SLC35D4: variants seen among roughly 807,000 people sequenced by gnomAD.
The protein encoded by SLC35D4 is solute carrier family 35 member D4.
At chr18:23,247,946 C>T in the SLC35D4 span, among the ~76,000 whole-genome samples, 1 of 152,232 alleles carries the variant, frequency 6.6e-6, no homozygotes, top group East Asian at 1.9e-4. Flanking sequence ...CCCTCCCTGC[C>T]CACTCCCTGC....
the SLC35D4 span, among the ~76,000 whole-genome samples, chr18:23,333,694 C>G: frequency 3.2e-4 from 49 of 152,224 alleles, no homozygotes; most frequent in African/African-American, 1.2e-3. Context: ...GATAACAAAC[C>G]CTCCCTTTCA....
the SLC35D4 span, among the ~76,000 whole-genome samples, chr18:23,365,157 T>C: frequency 2.6e-5 from 4 of 152,170 alleles, no homozygotes; most frequent in Non-Finnish European, 4.4e-5. Context: ...TGGGGTACCA[T>C]AGCAGGCCTT....
At chr18:23,382,874 G>A in the SLC35D4 span, among the ~76,000 whole-genome samples, 3 of 152,200 alleles carry the variant, frequency 2.0e-5, no homozygotes. Context: ...TCAGGGGATC[G>A]AGCTCTTTTT....
chr18:23,384,000 T>TTG, the SLC35D4 span, among the ~76,000 whole-genome samples: 1 of 19,406 alleles, frequency 5.2e-5, no homozygotes, highest in Admixed American at 6.1e-4. Context: ...GTTCCAAAAA[T>TTG]TGGGGGGGGG....
At chr18:23,331,883 CTT>C in the SLC35D4 span, among the ~76,000 whole-genome samples, 7 of 103,008 alleles carry the variant, frequency 6.8e-5, no homozygotes, top group African/African-American at 1.5e-4. Context: ...TTGAACATGT[CTT>C]TTTTTTTTTT....
the SLC35D4 span, chr18:23,370,415 G>A: frequency 1.7e-5 from 11 of 662,070 alleles, no homozygotes; most frequent in Admixed American, 8.3e-5. Context: ...GCTGACAGGA[G>A]AAGACCATCA....
At chr18:23,258,072 A>AT in the SLC35D4 span, 1 of 152,176 alleles carries the variant, frequency 6.6e-6, no homozygotes, top group African/African-American at 2.4e-5. Flanking sequence ...AATGACTGAC[A>AT]TTGTTTTGTT....
the SLC35D4 span, among the ~76,000 whole-genome samples, chr18:23,298,651 A>G: frequency 6.6e-6 from 1 of 152,246 alleles, no homozygotes; most frequent in Non-Finnish European, 1.5e-5. Context: ...TGAATATTTT[A>G]ACATGCCTCT....
the SLC35D4 span, chr18:23,253,746 G>A: frequency 2.2e-4 from 348 of 1,614,096 alleles, no homozygotes; most frequent in East Asian, 5.8e-4. Flanking sequence ...CGAGAGATGC[G>A]GAAGCTTGCG....
the SLC35D4 span, among the ~76,000 whole-genome samples, chr18:23,240,097 A>C: frequency 6.6e-6 from 1 of 152,156 alleles, no homozygotes; most frequent in Non-Finnish European, 1.5e-5. Flanking sequence ...CAGCCTGGAC[A>C]ATAAAGCAAG....
At chr18:23,420,968 G>A in the SLC35D4 span, among the ~76,000 whole-genome samples, 994 of 152,210 alleles carry the variant, frequency 6.5e-3, 9 homozygotes, top group African/African-American at 0.023. Context: ...TTTTGGCTGG[G>A]CATGGTGGCT....
chr18:23,271,466 G>A, the SLC35D4 span, among the ~76,000 whole-genome samples: 4 of 152,294 alleles, frequency 2.6e-5, no homozygotes, highest in East Asian at 5.8e-4. Context: ...AGGGATCCTC[G>A]TCTGGGTCTG....
the SLC35D4 span, among the ~76,000 whole-genome samples, chr18:23,304,296 TAAAG>T: frequency 1.4e-5 from 2 of 145,232 alleles, no homozygotes; most frequent in East Asian, 3.9e-4. Context: ...AAAAAAAAAT[TAAAG>T]AATTTAGATA....
chr18:23,327,425 T>A, the SLC35D4 span, among the ~76,000 whole-genome samples: 5 of 152,162 alleles, frequency 3.3e-5, no homozygotes, highest in East Asian at 9.6e-4. Context: ...TAAACACCTC[T>A]ACGCAAATAA....
the SLC35D4 span, among the ~76,000 whole-genome samples, chr18:23,408,814 C>A: frequency 9.1e-6 from 1 of 109,470 alleles, no homozygotes; most frequent in Admixed American, 8.8e-5. Context: ...TATCTTATCT[C>A]TCTTTTTTTT....
At chr18:23,428,217 A>G in the SLC35D4 span, among the ~76,000 whole-genome samples, 2 of 152,058 alleles carry the variant, frequency 1.3e-5, no homozygotes, top group South Asian at 4.1e-4. Flanking sequence ...AAACACTAAA[A>G]CCTCAATGAA....
At chr18:23,260,619 G>T in the SLC35D4 span, among the ~76,000 whole-genome samples, 1 of 152,148 alleles carries the variant, frequency 6.6e-6, no homozygotes, top group Non-Finnish European at 1.5e-5. Flanking sequence ...GGTGGGGTGG[G>T]GGGAGGCTGG....
chr18:23,342,548 T>C, the SLC35D4 span, among the ~76,000 whole-genome samples: 1 of 152,120 alleles, frequency 6.6e-6, no homozygotes, highest in African/African-American at 2.4e-5. Context: ...CATGTATGGG[T>C]TTTTTTGTGG....
the SLC35D4 span, among the ~76,000 whole-genome samples, chr18:23,413,753 T>G: frequency 8.3e-3 from 1,259 of 151,016 alleles, 8 homozygotes; most frequent in Non-Finnish European, 0.014. Flanking sequence ...GGTGAAACCC[T>G]GTCTCTACTA....
Sources: gnomAD v4.1 joint callset for allele counts (sites outside exome capture counted in the v4.1 genomes callset) on GRCh38, gnomAD v4.1.1 for gene constraint, MANE v1.5 for transcripts, NCBI Gene and HGNC (gene_info 2026-07-23, HGNC 2026-07-21) for gene names.